The following HBS1L variants were observed in gnomAD, a reference collection of about 807,000 sequenced individuals.
The protein encoded by HBS1L is HBS1 like translational GTPase.
In HBS1L, 55 loss-of-function variants were observed where a neutral mutation model predicts 88.9. The ratio of observed to expected loss-of-function variants is 0.62; its 90% confidence interval spans 0.50 to 0.77. HBS1L has a LOEUF of 0.77. Ranked by LOEUF, HBS1L falls within the 30% of genes least tolerant of loss-of-function variation. The pLI is 0.00. For synonymous variants in HBS1L, 267 were observed against 288.5 expected (o/e 0.93, Z 0.76); for missense variants, 741 against 829.3 (o/e 0.89, Z 1.31).
chr6:135,050,959 G>A (rs1554233624), intron 1 of HBS1L, among the ~76,000 whole-genome samples: 1 of 152,232 alleles, frequency 6.6e-6, no homozygotes, highest in Non-Finnish European at 1.5e-5. Flanking sequence ...CAGGCACGGT[G>A]GCTTACGCCT....
rs950845809 is a variant in HBS1L, at chr6:134,980,579, A to G, written c.1598-1311T>C. On this transcript the variant is annotated intron_variant, in intron 13 of 17. Coordinates refer to ENST00000367837, the MANE Select transcript of HBS1L (RefSeq NM_006620.4). Reference sequence around the variant, plus strand: ...AACATTTGTAGATGTTTTATACTACAAGTTCAATTAACAGTATAAAATTTT... The same window carrying G: ...AACATTTGTAGATGTTTTATACTACGAGTTCAATTAACAGTATAAAATTTT... 5.8e-4 allele frequency among the ~76,000 whole-genome samples: 88 copies of G among 151,944 alleles called. 3 individuals are homozygous for G. Among genetic ancestry groups the G allele is most frequent in the Middle Eastern group, 3.2e-3 (1 of 316 alleles).
intron 4 of HBS1L, chr6:135,036,858 A>C: frequency 6.4e-7 from 1 of 1,551,742 alleles, no homozygotes; most frequent in Non-Finnish European, 8.7e-7. Context: ...TTTTCTTATT[A>C]TCCTTAGCAA....
chr6:135,043,438 G>T (rs1776813330), intron 2 of HBS1L, among the ~76,000 whole-genome samples: 2 of 152,174 alleles, frequency 1.3e-5, no homozygotes, highest in Admixed American at 1.3e-4. Context: ...CAATCACATT[G>T]AGGGGTAGAG....
At chr6:135,042,814 AAAAAAAAAAAAC>A (rs1289382632) in intron 2 of HBS1L, among the ~76,000 whole-genome samples, 1 of 91,056 alleles carries the variant, frequency 1.1e-5, no homozygotes, top group African/African-American at 5.4e-5. Flanking sequence ...ACTCCGTCTC[AAAAAAAAAAAAC>A]AAAAAAAAAA....
At chr6:134,965,379 T>A in intron 17 of HBS1L, 89 bp from the exon 18 acceptor site, 1 of 872,166 alleles carries the variant, frequency 1.1e-6, no homozygotes, top group Non-Finnish European at 1.8e-6. Context: ...GTGAAAGAAT[T>A]ATTATATCAA....
chr6:135,011,761 C>T (rs960863634), intron 4 of HBS1L, among the ~76,000 whole-genome samples: 4 of 151,894 alleles, frequency 2.6e-5, no homozygotes, highest in Middle Eastern at 3.2e-3. Flanking sequence ...CAAAAATTAG[C>T]CAGACGTGGT....
At position 134,961,433 on chromosome 6, in the gene HBS1L, T is replaced by C. The variant is rs1002702302; in HGVS notation, c.*3846A>G. ...GGCGGTGGCGTTCTCCTGCTGAACA[T>C]TTAACAATTCTCAAATCTCTAACAT... On this transcript the variant is annotated 3_prime_UTR_variant, in exon 18 of 18. Coordinates refer to ENST00000367837, the MANE Select transcript of HBS1L (RefSeq NM_006620.4). 6.6e-6 allele frequency: 1 copy of C among 152,186 alleles called. No homozygotes were observed. The highest frequency in any genetic ancestry group is 1.5e-5 in the Non-Finnish European group (1 of 68,034). The allele number at this position is 152,186 out of a possible 1,614,324, so 9.4% of individuals were successfully genotyped here. A position where few individuals can be genotyped will look rare whatever the true frequency, so the allele number is the denominator to read the frequency against.
In HBS1L at chr6:134,966,369, C is replaced by T. The variant is rs370235823; in HGVS notation, c.2003G>A (p.Arg668His). Residue 668 changes from arginine (R) to histidine (H), a missense_variant, in exon 17 of 18, where the codon CGT becomes CAT. Around this residue, in one of 3 missense-constraint regions of HBS1L, gnomAD observed 181 missense variants for 212.7 expected, o/e 0.85. Transcript: ENST00000367837. ...DFKELGRFML[R>H]YGGSTIAAGV... ...AGCAGCTATTGTAGAACCACCGTAA[C>T]GTAGCATGAACCTCCCCAGCTCTTT... The T allele has an allele frequency of 1.1e-5, 17 of 1,612,984 alleles. No individual in the cohort carries two copies. The highest frequency in any genetic ancestry group is 1.7e-5 in the Admixed American group (1 of 59,956).
chr6:134,983,355 G>C (rs1464988944), intron 12 of HBS1L: 2 of 152,102 alleles, frequency 1.3e-5, no homozygotes, highest in Non-Finnish European at 2.9e-5. Flanking sequence ...TCTTAGAGTA[G>C]AGGCTGATAC....
At chr6:135,036,310 C>A (rs765048922) in intron 4 of HBS1L, 1 of 1,074,950 alleles carries the variant, frequency 9.3e-7, no homozygotes, top group Non-Finnish European at 1.1e-6. Flanking sequence ...TTCACAACAT[C>A]AAGTTTCCAT....
At chr6:135,013,911 C>A (rs886262111) in intron 4 of HBS1L, among the ~76,000 whole-genome samples, 3 of 151,986 alleles carry the variant, frequency 2.0e-5, no homozygotes, top group African/African-American at 7.3e-5. Flanking sequence ...AAAAAGTAAT[C>A]TACAGATGAT....
At chr6:134,966,164 T>A (rs1774307226) in intron 17 of HBS1L, among the ~76,000 whole-genome samples, 165 bp downstream of exon 17, 1 of 152,152 alleles carries the variant, frequency 6.6e-6, no homozygotes, top group African/African-American at 2.4e-5. Context: ...CTTCCAAATA[T>A]AACCCTATCC....
chr6:135,024,134 AG>A (rs939144296), intron 4 of HBS1L, among the ~76,000 whole-genome samples: 4 of 152,134 alleles, frequency 2.6e-5, no homozygotes, highest in African/African-American at 9.7e-5. Context: ...TTCTGAGAAA[AG>A]GGTCCCTTAA....
chr6:135,009,900 G>A (rs944958202), intron 4 of HBS1L, among the ~76,000 whole-genome samples: 4 of 152,018 alleles, frequency 2.6e-5, no homozygotes, highest in Admixed American at 2.6e-4. Context: ...AACGTGCTGG[G>A]ATTACAGGCA....
intron 4 of HBS1L, among the ~76,000 whole-genome samples, chr6:135,009,113 G>A (rs1048602850): frequency 1.3e-5 from 2 of 152,046 alleles, no homozygotes; most frequent in East Asian, 1.9e-4. Context: ...TTACATGGTC[G>A]TTTACCTTTA....
intron 4 of HBS1L, among the ~76,000 whole-genome samples, chr6:135,007,795 AT>A (rs1775654640): frequency 6.6e-6 from 1 of 152,216 alleles, no homozygotes; most frequent in Admixed American, 6.5e-5. Context: ...CTGGAAATTC[AT>A]TCACCATTTA....
At chr6:135,030,553 A>G (rs775881910) in intron 4 of HBS1L, among the ~76,000 whole-genome samples, 2 of 152,314 alleles carry the variant, frequency 1.3e-5, no homozygotes, top group Non-Finnish European at 2.9e-5. Context: ...AGAAAATTAG[A>G]TCTTTAGTTT....
intron 15 of HBS1L, among the ~76,000 whole-genome samples, chr6:134,978,289 GCAAATCGA>G (rs1774708635): frequency 6.6e-6 from 1 of 151,790 alleles, no homozygotes; most frequent in Admixed American, 6.6e-5. Flanking sequence ...CAGAAAAACT[GCAAATCGA>G]CATATTAAAA....
intron 4 of HBS1L, among the ~76,000 whole-genome samples, chr6:135,011,716 C>A (rs1037346670): frequency 2.6e-5 from 4 of 151,958 alleles, no homozygotes; most frequent in African/African-American, 9.7e-5. Context: ...ACCAGTCTAG[C>A]CAACATTATG....
Sources: gnomAD v4.1 joint callset for allele counts (sites outside exome capture counted in the v4.1 genomes callset) on GRCh38, gnomAD v4.1.1 for gene constraint, gnomAD v4.1.1 regional missense constraint, MANE v1.5 for transcripts, NCBI Gene and HGNC (gene_info 2026-07-23, HGNC 2026-07-21) for gene names.